Variants in MSI2 observed in about 807,000 individuals in gnomAD.
MSI2 encodes musashi RNA binding protein 2.
Under a neutral mutation model 45.6 loss-of-function variants are expected in MSI2, and 17 were observed. That is an observed-to-expected ratio of 0.37 (90% confidence interval 0.26 to 0.56). The LOEUF is 0.56. MSI2 is among the 20% of genes least tolerant of loss of function. The pLI is 0.77. For missense variants in MSI2, 293 were observed against 444.2 expected, an observed-to-expected ratio of 0.66 and a Z score of 3.06; for synonymous variants, 156 against 158.2, an observed-to-expected ratio of 0.99 and a Z score of 0.11.
At chr17:57,662,576 A>C (rs1271400748) in intron 11 of MSI2, among the ~76,000 whole-genome samples, 1 of 152,216 alleles carries the variant, frequency 6.6e-6, no homozygotes, top group Non-Finnish European at 1.5e-5. Context: ...TTTGAGCCTA[A>C]GCCTGTCGTC....
chr17:57,582,573 A>G (rs867549460), intron 7 of MSI2, among the ~76,000 whole-genome samples: 1 of 152,212 alleles, frequency 6.6e-6, no homozygotes, highest in Non-Finnish European at 1.5e-5. Context: ...AATGCCTGGC[A>G]TAACTGAAAA....
rs566013184 is a variant in MSI2, at chr17:57,259,561, C to G, written c.270+1207C>G. ...AAGAGATCAGGAATGCGTGCCTTCTCCTAAGAAAGAAACCCACCTACACTC... is the reference window on the plus strand; with the variant it reads ...AAGAGATCAGGAATGCGTGCCTTCTGCTAAGAAAGAAACCCACCTACACTC... On this transcript the variant is annotated intron_variant, in intron 4 of 13. Transcript: ENST00000284073. Among the ~76,000 whole-genome samples, 3 of 152,310 alleles carry G rather than the reference C, an allele frequency of 2.0e-5. No homozygotes were observed. The East Asian group carries it at 5.8e-4, about 29-fold the overall frequency.
downstream of MSI2, among the ~76,000 whole-genome samples, chr17:57,687,228 T>A (rs1002405416): frequency 8.7e-5 from 13 of 149,630 alleles, no homozygotes; most frequent in East Asian, 2.5e-3. Flanking sequence ...TCAGATGGAA[T>A]TTTTTTTGGG....
At chr17:57,561,513 C>T (rs537807097) in intron 7 of MSI2, among the ~76,000 whole-genome samples, 1 of 152,188 alleles carries the variant, frequency 6.6e-6, no homozygotes, top group Non-Finnish European at 1.5e-5. Context: ...CCCACCTCCA[C>T]CCCCACCTGA....
Position 57,659,693 on chromosome 17 carries a change from C to A in MSI2, c.790+7532C>A, listed in dbSNP as rs563628022. 3.3e-5 allele frequency among the ~76,000 whole-genome samples: 5 copies of A among 152,164 alleles called. No individual in the cohort carries two copies. In the East Asian group the frequency reaches 9.6e-4, roughly 29 times the overall value. On this transcript the variant is annotated intron_variant, in intron 11 of 13. Coordinates refer to ENST00000284073, the MANE Select transcript of MSI2 (RefSeq NM_138962.4). ...TTTTATGAGGGACACACCTGCCCCC[C>A]AGGACACCGGGCACAAGCAGGAATA...
chr17:57,466,152 G>A (rs1370420619), intron 6 of MSI2, among the ~76,000 whole-genome samples: 1 of 152,154 alleles, frequency 6.6e-6, no homozygotes, highest in African/African-American at 2.4e-5. Flanking sequence ...TAGGGGAGAG[G>A]CCCTGTCACT....
chr17:57,673,159 T>C (rs1276652908), intron 11 of MSI2, among the ~76,000 whole-genome samples: 1 of 152,200 alleles, frequency 6.6e-6, no homozygotes, highest in East Asian at 1.9e-4. Context: ...CCGTGTATCT[T>C]TGTGTCTCTG....
chr17:57,548,342 A>T (rs2087219486), intron 7 of MSI2, among the ~76,000 whole-genome samples: 1 of 152,094 alleles, frequency 6.6e-6, no homozygotes, highest in Non-Finnish European at 1.5e-5. Flanking sequence ...TTAAAAAAAA[A>T]ATCAGATTTG....
chr17:57,401,568 C>A, intron 6 of MSI2, 97 bp downstream of exon 6: 2 of 862,444 alleles, frequency 2.3e-6, no homozygotes, highest in Admixed American at 2.1e-5. Flanking sequence ...ACAGCTGTGT[C>A]CTCAAGAACC....
chr17:57,641,390 A>C (rs1239596413), intron 10 of MSI2, among the ~76,000 whole-genome samples: 1 of 152,086 alleles, frequency 6.6e-6, no homozygotes, highest in Non-Finnish European at 1.5e-5. Flanking sequence ...TTCATTGAAA[A>C]AGCCCACGTG....
At chr17:57,615,366 G>A (rs997008004) in intron 8 of MSI2, among the ~76,000 whole-genome samples, 1 of 152,072 alleles carries the variant, frequency 6.6e-6, no homozygotes, top group African/African-American at 2.4e-5. Flanking sequence ...CTGGGCTCAA[G>A]CTGATTCACC....
intron 11 of MSI2, among the ~76,000 whole-genome samples, chr17:57,659,340 C>T (rs909392276): frequency 6.6e-6 from 1 of 152,052 alleles, no homozygotes; most frequent in Non-Finnish European, 1.5e-5. Flanking sequence ...AAATGATCCT[C>T]CTACCTTGAC....
rs114250289 is a variant in MSI2, at chr17:57,320,516, G to A, written c.312+58324G>A. 6.8e-3 allele frequency among the ~76,000 whole-genome samples: 1,035 copies of A among 152,300 alleles called. 8 individuals are homozygous for A. Among genetic ancestry groups the A allele is most frequent in the African/African-American group, 0.023 (936 of 41,552 alleles). On this transcript the variant is annotated intron_variant, in intron 5 of 13. Coordinates refer to ENST00000284073, the MANE Select transcript of MSI2 (RefSeq NM_138962.4). ...TCAAGGGAGAAGCCACGAAGAGGAGGCACTGTCAGATGTTCCTCACTAGTT... is the reference window on the plus strand; with the variant it reads ...TCAAGGGAGAAGCCACGAAGAGGAGACACTGTCAGATGTTCCTCACTAGTT...
At chr17:57,336,647 A>G (rs1271731928) in intron 5 of MSI2, among the ~76,000 whole-genome samples, 2 of 152,158 alleles carry the variant, frequency 1.3e-5, no homozygotes, top group African/African-American at 2.4e-5. Context: ...ATATGATGGC[A>G]TTTCATTCTT....
In MSI2 at chr17:57,610,249, G is replaced by A. The variant is rs147402647; in HGVS notation, c.538-5721G>A. On this transcript the variant is annotated intron_variant, in intron 8 of 13. Transcript: ENST00000284073. The stretch of plus-strand genomic sequence containing the variant: ...GGGAAGATCACGAGGTCAGGAGTTC[G>A]AGACCAGCCTGGCCAATGTGGTGAA... Among the ~76,000 whole-genome samples, 235 of 152,204 alleles carry A rather than the reference G, an allele frequency of 1.5e-3. 9 individuals are homozygous for A. In the East Asian group the frequency reaches 0.044, roughly 28 times the overall value.
intron 9 of MSI2, chr17:57,626,946 T>C (rs1908861113): frequency 1.9e-6 from 1 of 517,814 alleles, no homozygotes; most frequent in Admixed American, 3.3e-5. Context: ...GCTTTGTGTT[T>C]GGTGCTGATG....
At chr17:57,414,332 G>C (rs746662450) in intron 6 of MSI2, among the ~76,000 whole-genome samples, 1 of 152,160 alleles carries the variant, frequency 6.6e-6, no homozygotes, top group Non-Finnish European at 1.5e-5. Flanking sequence ...TGGATCCTCT[G>C]TATCGGAGGG....
intron 7 of MSI2, among the ~76,000 whole-genome samples, chr17:57,537,303 T>C (rs2086941525): frequency 6.6e-6 from 1 of 152,086 alleles, no homozygotes; most frequent in Admixed American, 6.6e-5. Context: ...ACCCGCCTCT[T>C]CACTGCCTTG....
chr17:57,281,127 C>T (rs1374014086), intron 5 of MSI2, among the ~76,000 whole-genome samples: 1 of 151,934 alleles, frequency 6.6e-6, no homozygotes, highest in Non-Finnish European at 1.5e-5. Context: ...TGTGTGAGGG[C>T]TTATTGGTGT....
Sources: allele counts gnomAD v4.1 joint callset (sites outside exome capture counted in the v4.1 genomes callset), GRCh38; gene constraint gnomAD v4.1.1; transcripts MANE v1.5; gene names NCBI Gene and HGNC (gene_info 2026-07-23, HGNC 2026-07-21).